The following GLRA2 variants were observed in gnomAD, a reference collection of about 807,000 sequenced individuals.
GLRA2 encodes glycine receptor alpha 2.
Under a neutral mutation model 31.6 loss-of-function variants are expected in GLRA2, and 11 were observed. The ratio of observed to expected loss-of-function variants is 0.35; its 90% CI spans 0.22 to 0.58. GLRA2 has a LOEUF of 0.58. Among genes scored for constraint, GLRA2 ranks in the 20% least tolerant of loss-of-function variants. GLRA2 has a pLI of 0.84. For missense variants in GLRA2, 212 were observed against 351.8 expected (o/e 0.60, Z 3.18); for synonymous variants, 132 against 134.0 (o/e 0.99, Z 0.10).
the GLRA2 span, among the ~76,000 whole-genome samples, chrX:14,467,620 A>G: frequency 8.9e-6 from 1 of 112,051 alleles, no homozygotes; most frequent in Non-Finnish European, 1.9e-5. Flanking sequence ...AAACATTCCA[A>G]GTTAAAGGTA....
chrX:14,598,630 C>T (rs2090234839), intron 4 of GLRA2, among the ~76,000 whole-genome samples: 1 of 111,914 alleles, frequency 8.9e-6, no homozygotes, highest in Admixed American at 9.5e-5. Flanking sequence ...CAAGCTTTGA[C>T]AGTCCTGTAA....
At chrX:14,549,612 A>G (rs1392718222) in intron 2 of GLRA2, among the ~76,000 whole-genome samples, 1 of 111,664 alleles carries the variant, frequency 9.0e-6, no homozygotes, top group Non-Finnish European at 1.9e-5. Flanking sequence ...CGGGTACAAT[A>G]GAAAGAGTAA....
intron 8 of GLRA2, among the ~76,000 whole-genome samples, chrX:14,724,856 T>C (rs1344969294): frequency 1.8e-5 from 2 of 111,321 alleles, no homozygotes; most frequent in African/African-American, 6.5e-5. Flanking sequence ...AACAAGGGGC[T>C]ATATTTGGTT....
intron 7 of GLRA2, among the ~76,000 whole-genome samples, chrX:14,630,923 G>A (rs1439382567): frequency 9.2e-6 from 1 of 109,031 alleles, no homozygotes; most frequent in Non-Finnish European, 1.9e-5. Context: ...GGAACACTGT[G>A]CCCTCACATG....
intron 4 of GLRA2, among the ~76,000 whole-genome samples, chrX:14,591,664 G>A (rs2090147309): frequency 9.0e-6 from 1 of 111,712 alleles, no homozygotes; most frequent in Non-Finnish European, 1.9e-5. Context: ...CACCCTCATA[G>A]ACATACCCAG....
chrX:14,538,879 T>C (rs1395366529), intron 2 of GLRA2, among the ~76,000 whole-genome samples: 1 of 111,694 alleles, frequency 9.0e-6, no homozygotes. Flanking sequence ...GCATTTGGTC[T>C]CACAACATGG....
chrX:14,673,753 G>A (rs1033779300), intron 7 of GLRA2, among the ~76,000 whole-genome samples: 1 of 112,350 alleles, frequency 8.9e-6, no homozygotes, highest in Non-Finnish European at 1.9e-5. Flanking sequence ...GGGAGTAAAT[G>A]CACAAATAGT....
intron 7 of GLRA2, among the ~76,000 whole-genome samples, chrX:14,616,559 C>T (rs1385216872): frequency 2.7e-5 from 3 of 111,862 alleles, no homozygotes; most frequent in Non-Finnish European, 5.6e-5. Context: ...AGTTTTGCCA[C>T]ATTTGGTCTT....
At chrX:14,451,503 G>A in the GLRA2 span, among the ~76,000 whole-genome samples, 6 of 109,062 alleles carry the variant, frequency 5.5e-5, no homozygotes, top group African/African-American at 1.0e-4. Flanking sequence ...GGCAGTGTGC[G>A]CCTGTAGTCC....
At chrX:14,648,702 A>G (rs922157438) in intron 7 of GLRA2, among the ~76,000 whole-genome samples, 2 of 111,779 alleles carry the variant, frequency 1.8e-5, no homozygotes, top group African/African-American at 3.3e-5. Context: ...CAAATGGCCA[A>G]TTTAGCCTAA....
chrX:14,684,625 C>T (rs373650912), intron 7 of GLRA2, among the ~76,000 whole-genome samples: 8 of 111,274 alleles, frequency 7.2e-5, no homozygotes, highest in African/African-American at 3.3e-5. Context: ...TTGTCTGTTA[C>T]TGGTGTATAA....
chrX:14,496,353 C>T, the GLRA2 span, among the ~76,000 whole-genome samples: 9 of 111,692 alleles, frequency 8.1e-5, no homozygotes, highest in African/African-American at 2.3e-4. Flanking sequence ...TGAGTAAATC[C>T]GCACATATGT....
intron 7 of GLRA2, among the ~76,000 whole-genome samples, chrX:14,681,648 T>C (rs1011510568): frequency 9.2e-6 from 1 of 108,747 alleles, no homozygotes; most frequent in Non-Finnish European, 1.9e-5. Context: ...TCCAGCACTT[T>C]AGGAGGCTGA....
At chrX:14,459,357 C>T in the GLRA2 span, among the ~76,000 whole-genome samples, 1 of 111,163 alleles carries the variant, frequency 9.0e-6, no homozygotes, top group Non-Finnish European at 1.9e-5. Context: ...GCAATGAGGG[C>T]TCTTTTTTGG....
At chrX:14,624,338 G>T (rs1009372243) in intron 7 of GLRA2, among the ~76,000 whole-genome samples, 6 of 111,323 alleles carry the variant, frequency 5.4e-5, no homozygotes, top group Non-Finnish European at 1.1e-4. Context: ...GGTATTTTGT[G>T]TCTCTATCTC....
the GLRA2 span, among the ~76,000 whole-genome samples, chrX:14,493,534 CAT>C: frequency 1.9e-5 from 2 of 104,524 alleles, no homozygotes; most frequent in South Asian, 4.0e-4. Flanking sequence ...CATATATACA[CAT>C]ATATATACTT....
At chrX:14,689,091 G>C (rs2091313295) in intron 7 of GLRA2, among the ~76,000 whole-genome samples, 1 of 111,956 alleles carries the variant, frequency 8.9e-6, no homozygotes, top group Non-Finnish European at 1.9e-5. Flanking sequence ...GAATTATACA[G>C]ATAGTAGCAG....
chrX:14,687,614 C>T (rs980663616), intron 7 of GLRA2, among the ~76,000 whole-genome samples: 5 of 112,344 alleles, frequency 4.5e-5, no homozygotes, highest in Admixed American at 9.4e-5. Context: ...GAAGCTTGTG[C>T]ATGCGTCACG....
the GLRA2 span, among the ~76,000 whole-genome samples, chrX:14,507,621 A>T: frequency 9.2e-6 from 1 of 108,450 alleles, no homozygotes; most frequent in Non-Finnish European, 1.9e-5. Context: ...AGAAGCACCA[A>T]TGTAGTTGAA....
Sources: allele counts gnomAD v4.1 joint callset (sites outside exome capture counted in the v4.1 genomes callset), GRCh38; gene constraint gnomAD v4.1.1; transcripts MANE v1.5; gene names NCBI Gene and HGNC (gene_info 2026-07-23, HGNC 2026-07-21).